Variants in HEATR1 observed in about 807,000 individuals in gnomAD.
The protein encoded by HEATR1 is HEAT repeat containing 1, also known as HEAT repeat-containing protein 1.
Under a neutral mutation model 248.2 loss-of-function variants are expected in HEATR1, and 77 were observed. The observed-to-expected ratio is 0.31, with a 90% confidence interval of 0.26 to 0.37. The LOEUF is 0.37. HEATR1 is among the 10% of genes least tolerant of loss of function. HEATR1 has a pLI of 1.00. For synonymous variants in HEATR1, 897 were observed against 923.1 expected (o/e 0.97, Z 0.51); for missense variants, 2,420 against 2,504.9 (o/e 0.97, Z 0.72).
chr1:236,590,361 G>A (rs758408845), intron 12 of HEATR1, among the ~76,000 whole-genome samples: 12 of 151,912 alleles, frequency 7.9e-5, no homozygotes, highest in Non-Finnish European at 1.3e-4. Context: ...TCAAGTAGCT[G>A]GGACCAAAGC....
At chr1:236,560,652 T>C (rs1663108078) in intron 33 of HEATR1, among the ~76,000 whole-genome samples, 1 of 152,134 alleles carries the variant, frequency 6.6e-6, no homozygotes, top group African/African-American at 2.4e-5. Context: ...GGGAATGCCA[T>C]GCATCTGAAA....
At chr1:236,564,746 A>G (rs1663224582) in intron 31 of HEATR1, 85 bp from the exon 32 acceptor site, 2 of 1,258,102 alleles carry the variant, frequency 1.6e-6, no homozygotes, top group African/African-American at 1.5e-5. Flanking sequence ...TTTCAAGTAA[A>G]GGACAATTAA....
intron 36 of HEATR1, 69 bp from the exon 37 acceptor site, chr1:236,557,414 C>T (rs1663008070): frequency 6.6e-7 from 1 of 1,523,662 alleles, no homozygotes; most frequent in Non-Finnish European, 8.9e-7. Flanking sequence ...GAGTAGAGGG[C>T]ATTATGAAAA....
At chr1:236,558,893 T>C in intron 35 of HEATR1, 102 bp downstream of exon 35, 1 of 1,017,808 alleles carries the variant, frequency 9.8e-7, no homozygotes, top group Non-Finnish European at 1.4e-6. Flanking sequence ...AATAATATAC[T>C]TCAATTTGAA....
intron 14 of HEATR1, 22 bp downstream of exon 14, chr1:236,587,380 A>C: frequency 8.6e-7 from 1 of 1,161,972 alleles, no homozygotes; most frequent in Non-Finnish European, 1.2e-6. Context: ...TCAAAATAGT[A>C]TGAGGAGAAA....
intron 37 of HEATR1, among the ~76,000 whole-genome samples, chr1:236,556,495 C>T (rs1572031819): frequency 6.6e-6 from 1 of 152,238 alleles, no homozygotes; most frequent in Admixed American, 6.5e-5. Context: ...GACGCACACA[C>T]AGCACCCAGA....
At chr1:236,583,527 C>T (rs914447835) in intron 17 of HEATR1, among the ~76,000 whole-genome samples, 11 of 146,202 alleles carry the variant, frequency 7.5e-5, no homozygotes, top group African/African-American at 2.8e-4. Flanking sequence ...TGCTCTGTCA[C>T]CCAGGCTGGA....
rs763874754 is a variant in HEATR1, at chr1:236,557,227, T to G, written c.5323A>C (p.Ile1775Leu). 6.2e-7 allele frequency: 1 copy of G among 1,613,994 alleles called. No individual in the cohort carries two copies. Among genetic ancestry groups the G allele is most frequent in the African/African-American group, 1.3e-5 (1 of 74,916 alleles). The change falls in exon 37 of 45, where the codon ATC becomes CTC. Residue 1775 changes from isoleucine (I) to leucine (L), a missense_variant. By Grantham distance (5) the Ile-to-Leu change is conservative (BLOSUM62 2). Transcript: ENST00000366582. ...QKVVETLPHFISPYLEGILSQ... is the reference protein window; with the variant it reads ...QKVVETLPHFLSPYLEGILSQ... ...AGAATGCCTTCCAGATAGGGGCTGA[T>G]GAAGTGCGGGAGAGTCTCCACAACC...
intron 17 of HEATR1, among the ~76,000 whole-genome samples, chr1:236,584,637 T>G (rs1663837852): frequency 1.3e-5 from 2 of 152,212 alleles, no homozygotes; most frequent in East Asian, 3.8e-4. Flanking sequence ...TTAAAATTAT[T>G]TAAAGCCTAA....
At chr1:236,573,983 TGG>T (rs1663499125) in intron 24 of HEATR1, 5 of 361,752 alleles carry the variant, frequency 1.4e-5, no homozygotes, top group Non-Finnish European at 2.4e-5. Context: ...ACATCCTATC[TGG>T]TTAAAATTAT....
At chr1:236,552,145 G>C in intron 43 of HEATR1, 38 bp from the exon 44 acceptor site, 1 of 1,342,862 alleles carries the variant, frequency 7.4e-7, no homozygotes. Context: ...AAAAAGTAGT[G>C]TTACTGTATT....
At chr1:236,598,064 T>C (rs761136952) in intron 4 of HEATR1, 85 bp from the exon 5 acceptor site, 61 of 756,950 alleles carry the variant, frequency 8.1e-5, no homozygotes, top group Non-Finnish European at 1.3e-4. Context: ...AATGTCTTCA[T>C]ACTGCTACAA....
In HEATR1 at chr1:236,595,893, T is replaced by C. The variant is rs1172806723; in HGVS notation, c.896A>G (p.Asp299Gly). The change falls in exon 7 of 45, where the codon GAT becomes GGT. Residue 299 changes from aspartate (D) to glycine (G), a missense_variant. Coordinates refer to ENST00000366582, the MANE Select transcript of HEATR1 (RefSeq NM_018072.6). ...TLTKIPSLIK[D>G]GLSCLIVLLQ... is the part of the protein sequence containing the mutation. The stretch of plus-strand genomic sequence containing the variant: ...GAGCACTATCAAGCAACTTAACCCA[T>C]CCTTGATCAAAGAGGGAATCTTGGT... 6.2e-7 allele frequency: 1 copy of C among 1,614,082 alleles called. No individual in the cohort carries two copies. The highest frequency in any genetic ancestry group is 2.2e-5 in the East Asian group (1 of 44,860).
At position 236,594,052 on chromosome 1, in the gene HEATR1, T is replaced by G. The variant is rs769123642; in HGVS notation, c.1153A>C (p.Lys385Gln). The G allele has an allele frequency of 2.5e-6, 4 of 1,600,554 alleles. No homozygotes were observed. The African/African-American group carries it at 4.0e-5, about 16-fold the overall frequency. Reference protein sequence around the residue: ...YKRHLEAILTKISLKNNLDHL... With the variant: ...YKRHLEAILTQISLKNNLDHL... ...TCTAAGTTGTTCTTCAGTGATATTT[T>G]TGTAAGTATAGCTTCTAAGTGTCTC... The change falls in exon 9 of 45, where the codon AAA becomes CAA. Residue 385 changes from lysine (K) to glutamine (Q), a missense_variant. Transcript: ENST00000366582.
chr1:236,561,312 CAAT>C, intron 32 of HEATR1, 41 bp from the exon 33 acceptor site: 1 of 1,491,048 alleles, frequency 6.7e-7, no homozygotes, highest in Non-Finnish European at 9.3e-7. Context: ...GTAGGGAAGT[CAAT>C]AATAAAAGTC....
At chr1:236,598,795 C>T (rs919844931) in intron 4 of HEATR1, among the ~76,000 whole-genome samples, 5 of 152,172 alleles carry the variant, frequency 3.3e-5, no homozygotes, top group Admixed American at 1.3e-4. Context: ...TTTGCCTCCC[C>T]CCCTACCCTG....
At chr1:236,558,963 A>G in intron 35 of HEATR1, 32 bp downstream of exon 35, 7 of 1,542,156 alleles carry the variant, frequency 4.5e-6, no homozygotes, top group Non-Finnish European at 6.1e-6. Flanking sequence ...AGCAAAGTAC[A>G]GTAAATGGGT....
intron 22 of HEATR1, 120 bp downstream of exon 22, chr1:236,576,099 C>A: frequency 1.5e-6 from 1 of 656,912 alleles, no homozygotes; most frequent in Non-Finnish European, 2.4e-6. Flanking sequence ...ATTAATATTA[C>A]ATTTATCTCT....
At chr1:236,553,078 T>C (rs1190798946) in intron 43 of HEATR1, 1 of 152,270 alleles carries the variant, frequency 6.6e-6, no homozygotes, top group Non-Finnish European at 1.5e-5. Context: ...TTCGTAACAC[T>C]TGGGTGTCAA....
Sources: allele counts gnomAD v4.1 joint callset (sites outside exome capture counted in the v4.1 genomes callset), GRCh38; gene constraint gnomAD v4.1.1; transcripts MANE v1.5; gene names NCBI Gene and HGNC (gene_info 2026-07-23, HGNC 2026-07-21).